Variants in CYBRD1 observed in about 807,000 individuals in gnomAD.
The protein encoded by CYBRD1 is plasma membrane ascorbate-dependent reductase CYBRD1.
Under a neutral mutation model 21.9 loss-of-function variants are expected in CYBRD1, and 14 were observed. The ratio of observed to expected loss-of-function variants is 0.64; its 90% CI spans 0.42 to 1.00. CYBRD1 has a LOEUF of 1.00. CYBRD1 is among the 50% of genes least tolerant of loss of function. The probability of loss-of-function intolerance (pLI) is 0.00; values close to 1 mark genes in which losing one functional copy is unlikely to be tolerated. For synonymous variants in CYBRD1, 146 were observed against 136.5 expected, an observed-to-expected ratio of 1.07 and a Z score of -0.48; for missense variants, 328 against 352.5, an observed-to-expected ratio of 0.93 and a Z score of 0.56.
At chr2:171,531,671 A>G (rs1439614181) in intron 1 of CYBRD1, among the ~76,000 whole-genome samples, 1 of 152,104 alleles carries the variant, frequency 6.6e-6, no homozygotes, top group Non-Finnish European at 1.5e-5. Flanking sequence ...ATTGATCCTT[A>G]AATATTTAGA....
Position 171,522,560 on chromosome 2 carries a change from C to G in CYBRD1, c.15C>G (p.Gly5=), listed in dbSNP as rs777988908. 6.2e-7 allele frequency: 1 copy of G among 1,605,458 alleles called. No individual in the cohort carries two copies. Among genetic ancestry groups the G allele is most frequent in the South Asian group, 1.1e-5 (1 of 89,336 alleles). ...ATGGGGCGCTGATGGCCATGGAGGGCTACTGGCGCTTCCTGGCGCTGCTGG... is the reference window on the plus strand; with the variant it reads ...ATGGGGCGCTGATGGCCATGGAGGGGTACTGGCGCTTCCTGGCGCTGCTGG... The part of the protein sequence containing the change: MAME[G]YWRFLALLGS... Residue 5 remains glycine (G), a synonymous_variant, in exon 1 of 4, where the codon GGC becomes GGG. Transcript: ENST00000321348. This position sits in a 1 kb window ranked among gnomAD's most constrained non-coding sequence, Gnocchi z 4.3.
In CYBRD1 at chr2:171,557,178, T is replaced by G. The variant is rs1384068680; in HGVS notation, c.*2351T>G. 2.6e-5 allele frequency: 4 copies of G among 152,568 alleles called. No homozygotes were observed. The highest frequency in any genetic ancestry group is 5.9e-5 in the Non-Finnish European group (4 of 68,036). 9.5% of individuals were successfully genotyped at this position (152,568 alleles called of 1,614,324 possible). A position where few individuals can be genotyped will look rare whatever the true frequency, so the allele number is the denominator to read the frequency against. Reference sequence around the variant, plus strand: ...GAAAACCTTTGTTTGAGACTCTTATTTAATGGGCTTTTGATTCTAATGATA... The same window carrying G: ...GAAAACCTTTGTTTGAGACTCTTATGTAATGGGCTTTTGATTCTAATGATA... On this transcript the variant is annotated 3_prime_UTR_variant, in exon 4 of 4. Transcript: ENST00000321348.
intron 1 of CYBRD1, among the ~76,000 whole-genome samples, chr2:171,540,209 T>G (rs532392148): frequency 1.3e-5 from 2 of 152,318 alleles, no homozygotes; most frequent in South Asian, 4.1e-4. Context: ...TATCCTGACT[T>G]TTCCAATGCA....
In CYBRD1 at chr2:171,538,715, C is replaced by G. The variant is rs138175746; in HGVS notation, c.194-2870C>G. On this transcript the variant is annotated intron_variant, in intron 1 of 3. Transcript: ENST00000321348. ...TTAAAGAGGCTGAATTCACATCGGT[C>G]TTTGTAGGTTTAGATGTGTTTCTGT... Among the ~76,000 whole-genome samples the G allele has an allele frequency of 8.2e-3, 1,253 of 152,180 alleles. 6 individuals are homozygous for G. The highest frequency in any genetic ancestry group is 0.02 in the Middle Eastern group (6 of 294).
At chr2:171,524,190 A>T (rs1458784556) in intron 1 of CYBRD1, among the ~76,000 whole-genome samples, 1 of 25,414 alleles carries the variant, frequency 3.9e-5, no homozygotes, top group Non-Finnish European at 7.4e-5. Context: ...TGAGATCGGC[A>T]TCAGGGTGTG....
At chr2:171,548,749 T>A (rs1697757179) in intron 2 of CYBRD1, among the ~76,000 whole-genome samples, 1 of 148,160 alleles carries the variant, frequency 6.7e-6, no homozygotes, top group Non-Finnish European at 1.5e-5. Flanking sequence ...GCTTTTGTTA[T>A]GTCTAAAAGC....
At chr2:171,522,282 G>T (rs1019399667), upstream of CYBRD1, 10 of 1,547,990 alleles carry the variant, frequency 6.5e-6, no homozygotes, top group Non-Finnish European at 6.1e-6. This position sits in a 1 kb window ranked among gnomAD's most constrained non-coding sequence, Gnocchi z 4.3. Flanking sequence ...GATGCTGGAC[G>T]AGGGAGAGGG....
Position 171,556,639 on chromosome 2 carries a change from A to G in CYBRD1, c.*1812A>G, listed in dbSNP as rs1405681349. Reference sequence around the variant, plus strand: ...ATCATATCCCTTAAACTTCATGAAAAACCATTCAAGATCCCCTTGCTGCAA... The same window carrying G: ...ATCATATCCCTTAAACTTCATGAAAGACCATTCAAGATCCCCTTGCTGCAA... On this transcript the variant is annotated 3_prime_UTR_variant, in exon 4 of 4. Coordinates refer to ENST00000321348, the MANE Select transcript of CYBRD1 (RefSeq NM_024843.4). 6.6e-6 allele frequency: 1 copy of G among 152,146 alleles called. No individual in the cohort carries two copies. The highest frequency in any genetic ancestry group is 1.5e-5 in the Non-Finnish European group (1 of 68,024). 9.4% of individuals were successfully genotyped at this position (152,146 alleles called of 1,614,324 possible).
chr2:171,542,888 AT>A (rs758533950), intron 2 of CYBRD1, among the ~76,000 whole-genome samples: 2 of 152,200 alleles, frequency 1.3e-5, no homozygotes, highest in East Asian at 3.8e-4. Flanking sequence ...TCTCAAAAAA[AT>A]AAATAAATAA....
chr2:171,532,140 C>A (rs761308932), intron 1 of CYBRD1, among the ~76,000 whole-genome samples: 20 of 152,162 alleles, frequency 1.3e-4, no homozygotes, highest in Admixed American at 4.6e-4. Context: ...AGATTCTCTG[C>A]TTTTTCATTT....
At chr2:171,552,813 C>T (rs745980580) in intron 2 of CYBRD1, among the ~76,000 whole-genome samples, 6 of 152,206 alleles carry the variant, frequency 3.9e-5, no homozygotes, top group Admixed American at 3.9e-4. Flanking sequence ...CTTCATTCCA[C>T]ATAGCTTTTT....
At chr2:171,534,815 A>G (rs1328803625) in intron 1 of CYBRD1, among the ~76,000 whole-genome samples, 2 of 152,234 alleles carry the variant, frequency 1.3e-5, no homozygotes, top group Admixed American at 6.5e-5. Flanking sequence ...AAGAAAAAAC[A>G]TAATAGATCC....
chr2:171,549,317 C>T (rs1056470091), intron 2 of CYBRD1, among the ~76,000 whole-genome samples: 6 of 152,184 alleles, frequency 3.9e-5, no homozygotes, highest in African/African-American at 1.2e-4. Context: ...TTCCTGGCCT[C>T]AAGTGATCCA....
intron 2 of CYBRD1, among the ~76,000 whole-genome samples, chr2:171,547,522 A>G (rs1438462317): frequency 2.0e-5 from 3 of 152,008 alleles, no homozygotes; most frequent in African/African-American, 7.3e-5. Context: ...CCAGTAAAGA[A>G]AGAGACACTG....
chr2:171,544,574 T>G (rs947485103), intron 2 of CYBRD1, among the ~76,000 whole-genome samples: 10 of 152,230 alleles, frequency 6.6e-5, no homozygotes, highest in African/African-American at 2.4e-4. Context: ...GTCTTTGATA[T>G]TTAAGTACTT....
At chr2:171,548,672 C>T (rs1331820713) in intron 2 of CYBRD1, among the ~76,000 whole-genome samples, 1 of 115,712 alleles carries the variant, frequency 8.6e-6, no homozygotes. Context: ...AAAAAGCAAA[C>T]CATACCTACT....
rs576809081 is a variant in CYBRD1, at chr2:171,540,803, C to G, written c.194-782C>G. ...TTTTTTTTTTTGTCTTCCTCTGTTG[C>G]CCAGGCTGGAGTGCAGTGGCGCAAT... is the stretch of plus-strand genomic sequence containing the variant. On this transcript the variant is annotated intron_variant, in intron 1 of 3. Transcript: ENST00000321348. 3.8e-5 allele frequency: 4 copies of G among 105,790 alleles called. No individual in the cohort carries two copies. The East Asian group carries it at 1.2e-3, about 31-fold the overall frequency. The allele number at this position is 105,790 out of a possible 1,614,324, so 6.6% of individuals were successfully genotyped here.
chr2:171,536,173 C>T, intron 1 of CYBRD1, among the ~76,000 whole-genome samples: 1 of 124,722 alleles, frequency 8.0e-6, no homozygotes. Flanking sequence ...CTTGCTGTGT[C>T]ACCCAGGCAG....
chr2:171,541,524 C>A, intron 1 of CYBRD1, 61 bp from the exon 2 acceptor site: 2 of 1,519,680 alleles, frequency 1.3e-6, no homozygotes, highest in South Asian at 1.1e-5. Context: ...TCAAACTGTT[C>A]ATTTTGTGTT....
Sources: allele counts gnomAD v4.1 joint callset (sites outside exome capture counted in the v4.1 genomes callset), GRCh38; gene constraint gnomAD v4.1.1; non-coding constraint Gnocchi (gnomAD v3.1); transcripts MANE v1.5; gene names NCBI Gene and HGNC (gene_info 2026-07-23, HGNC 2026-07-21).